Variants in COL26A1 observed in about 807,000 individuals in gnomAD.
The protein encoded by COL26A1 is collagen type XXVI alpha 1 chain, also known as collagen alpha-1(XXVI) chain.
COL26A1 carries 41 observed loss-of-function variants against 59.3 expected under a neutral mutation model. That is an observed-to-expected ratio of 0.69 (90% CI 0.54 to 0.90). The LOEUF (loss-of-function observed/expected upper bound fraction) is 0.90, where lower values mean the gene tolerates loss of function less well. Among genes scored for constraint, COL26A1 ranks in the 40% least tolerant of loss-of-function variants. The probability of loss-of-function intolerance (pLI) is 0.00; values close to 1 mark genes in which losing one functional copy is unlikely to be tolerated. For missense variants in COL26A1, 612 were observed against 602.3 expected, an observed-to-expected ratio of 1.02 and a Z score of -0.17; for synonymous variants, 266 against 256.0, an observed-to-expected ratio of 1.04 and a Z score of -0.37.
At chr7:101,504,817 G>A (rs1334947737) in intron 3 of COL26A1, among the ~76,000 whole-genome samples, 1 of 152,150 alleles carries the variant, frequency 6.6e-6, no homozygotes, top group African/African-American at 2.4e-5. Flanking sequence ...CTGTGTGTGT[G>A]TGTGTGTGTA....
chr7:101,376,973 C>G (rs1312997790), intron 1 of COL26A1, among the ~76,000 whole-genome samples: 2 of 152,126 alleles, frequency 1.3e-5, no homozygotes, highest in Admixed American at 1.3e-4. Flanking sequence ...ATTCTCCTGC[C>G]TCAGTCTCCC....
rs753775257 is a variant in COL26A1 at position 101,553,363 on chromosome 7, C to A, written c.1067C>A (p.Ala356Asp). ...GTGAAGGGGGAAGAAGGAGAGAAAG[C>A]CGCCACTGCAGAGGTAACCATGGCT... ...PGVKGEEGEK[A>D]ATAEGEGVQQ... is the part of the protein sequence containing the mutation. The change falls in exon 11 of 13, where the codon GCC becomes GAC. Residue 356 changes from alanine to aspartate, a missense_variant. Coordinates refer to ENST00000313669, the MANE Select transcript of COL26A1 (RefSeq NM_001278563.3). 4 of 1,613,706 alleles carry A rather than the reference C, an allele frequency of 2.5e-6. No homozygotes were observed. In the Admixed American group the frequency reaches 6.7e-5, roughly 27 times the overall value.
intron 1 of COL26A1, among the ~76,000 whole-genome samples, chr7:101,386,528 C>T (rs1584360629): frequency 6.6e-6 from 1 of 152,212 alleles, no homozygotes; most frequent in African/African-American, 2.4e-5. Flanking sequence ...TCACGCACTT[C>T]ATCTGCAGCT....
At chr7:101,429,208 G>A (rs1792719425) in intron 2 of COL26A1, among the ~76,000 whole-genome samples, 1 of 152,148 alleles carries the variant, frequency 6.6e-6, no homozygotes, top group Admixed American at 6.6e-5. Context: ...ACAGGTGTGA[G>A]CCACCATGCC....
intron 3 of COL26A1, among the ~76,000 whole-genome samples, chr7:101,527,248 C>A (rs966272504): frequency 6.6e-6 from 1 of 152,222 alleles, no homozygotes; most frequent in African/African-American, 2.4e-5. Flanking sequence ...TGGGATGACA[C>A]GCATGAGCCA....
rs1349528180 is a variant in COL26A1 at position 101,558,482 on chromosome 7, A to C, written c.*952A>C. On this transcript the variant is annotated 3_prime_UTR_variant, in exon 13 of 13. Coordinates refer to ENST00000313669, the MANE Select transcript of COL26A1 (RefSeq NM_001278563.3). ...CCTCTGCCCCACGAGTTTGTCTCTC[A>C]GTGGACTCTATAGGTTTGCTACTTT... 1 of 152,250 alleles carries C rather than the reference A, an allele frequency of 6.6e-6. No individual in the cohort carries two copies. Among genetic ancestry groups the C allele is most frequent in the Non-Finnish European group, 1.5e-5 (1 of 68,078 alleles). The allele number at this position is 152,250 out of a possible 1,614,324, so 9.4% of individuals were successfully genotyped here.
intron 3 of COL26A1, among the ~76,000 whole-genome samples, chr7:101,486,560 G>A (rs566789611): frequency 1.3e-3 from 195 of 152,338 alleles, no homozygotes; most frequent in Non-Finnish European, 2.3e-3. Context: ...GAAGAGGACC[G>A]GGCGCATTTA....
intron 8 of COL26A1, among the ~76,000 whole-genome samples, chr7:101,547,556 A>G (rs1021435424): frequency 4.6e-5 from 7 of 152,188 alleles, no homozygotes; most frequent in Non-Finnish European, 8.8e-5. Context: ...GGTGGCAGGA[A>G]GTCCCTACCT....
intron 12 of COL26A1, 150 bp downstream of exon 12, chr7:101,556,021 G>A: frequency 1.6e-6 from 1 of 639,506 alleles, no homozygotes; most frequent in East Asian, 2.9e-5. Flanking sequence ...GACCCTCAGT[G>A]GCTCCCTGCT....
intron 2 of COL26A1, among the ~76,000 whole-genome samples, chr7:101,431,380 C>T (rs1792774859): frequency 6.6e-6 from 1 of 152,046 alleles, no homozygotes; most frequent in Admixed American, 6.6e-5. Flanking sequence ...CCATCTCAGC[C>T]TCCCCAATAG....
intron 3 of COL26A1, among the ~76,000 whole-genome samples, chr7:101,462,523 G>T: frequency 6.6e-6 from 1 of 151,580 alleles, no homozygotes; most frequent in East Asian, 2.0e-4. Context: ...CACCATGTTA[G>T]TCAGGCTGGT....
intron 3 of COL26A1, among the ~76,000 whole-genome samples, chr7:101,477,854 C>CCCT (rs1794082630): frequency 6.6e-6 from 1 of 152,208 alleles, no homozygotes; most frequent in African/African-American, 2.4e-5. Context: ...TCTCAGCTTT[C>CCCT]CCTGACCTTT....
intron 1 of COL26A1, among the ~76,000 whole-genome samples, chr7:101,411,057 G>A (rs1041808974): frequency 2.0e-5 from 3 of 152,152 alleles, no homozygotes; most frequent in Admixed American, 6.6e-5. Context: ...GGGGAGCTGG[G>A]CCTGAAGCTG....
intron 2 of COL26A1, among the ~76,000 whole-genome samples, chr7:101,445,731 C>CAA (rs138245779): frequency 6.0e-3 from 230 of 38,302 alleles, no homozygotes; most frequent in Non-Finnish European, 7.2e-3. Context: ...GACTCCGTCT[C>CAA]AAAAAAAAAA....
chr7:101,366,150 G>C (rs2116993474), intron 1 of COL26A1, among the ~76,000 whole-genome samples: 1 of 152,352 alleles, frequency 6.6e-6, no homozygotes, highest in African/African-American at 2.4e-5. Context: ...TGATATTCCA[G>C]AGTGTGACTG....
chr7:101,473,280 C>CGT (rs1793949477), intron 3 of COL26A1, among the ~76,000 whole-genome samples: 2 of 152,036 alleles, frequency 1.3e-5, no homozygotes, highest in Admixed American at 6.6e-5. Flanking sequence ...AGGGTTTCAC[C>CGT]ATTCACCGCA....
chr7:101,495,897 C>T (rs186737362), intron 3 of COL26A1, among the ~76,000 whole-genome samples: 33 of 151,288 alleles, frequency 2.2e-4, no homozygotes, highest in Non-Finnish European at 3.7e-4. Flanking sequence ...AATTTGAGAC[C>T]AGCTTGGGCA....
intron 1 of COL26A1, among the ~76,000 whole-genome samples, chr7:101,408,510 AG>A: frequency 6.6e-6 from 1 of 152,230 alleles, no homozygotes; most frequent in East Asian, 1.9e-4. Flanking sequence ...TTCTCAATGC[AG>A]GGGATCTGGG....
intron 3 of COL26A1, among the ~76,000 whole-genome samples, chr7:101,500,616 G>C (rs543442623): frequency 1.3e-5 from 2 of 151,662 alleles, no homozygotes. Flanking sequence ...TCAGGAGTTC[G>C]AGACCAGCCT....
Sources: gnomAD v4.1 joint callset for allele counts (sites outside exome capture counted in the v4.1 genomes callset) on GRCh38, gnomAD v4.1.1 for gene constraint, MANE v1.5 for transcripts, NCBI Gene and HGNC (gene_info 2026-07-23, HGNC 2026-07-21) for gene names.